The following NPIPB7 variants were observed in gnomAD, a reference collection of about 807,000 sequenced individuals.
NPIPB7 encodes the protein nuclear pore complex interacting protein family member B7.
For synonymous variants in NPIPB7, 9 were observed against 88.1 expected, an observed-to-expected ratio of 0.10 and a Z score of 5.03; for missense variants, 14 against 238.5, an observed-to-expected ratio of 0.06 and a Z score of 6.20.
upstream of NPIPB7, among the ~76,000 whole-genome samples, chr16:28,472,082 A>G (rs2045954778): frequency 6.6e-6 from 1 of 152,248 alleles, no homozygotes; most frequent in Non-Finnish European, 1.5e-5. Context: ...AGCTCACTAC[A>G]AAGCTATAGT....
chr16:28,468,706 C>A (rs1168487439), intron 1 of NPIPB7, among the ~76,000 whole-genome samples: 2 of 136,614 alleles, frequency 1.5e-5, no homozygotes, highest in East Asian at 2.1e-4. Flanking sequence ...ACTTGGGAGG[C>A]TGAGGCAGAA....
At position 28,462,123 on chromosome 16, in the gene NPIPB7, TAA is replaced by T. The variant is rs143188114; in HGVS notation, c.545+549_545+550del. Among the ~76,000 whole-genome samples, 1,238 of 139,850 alleles carry T rather than the reference TAA, an allele frequency of 8.9e-3. 2 individuals carry two copies. Among genetic ancestry groups the T allele is most frequent in the African/African-American group, 0.023 (836 of 36,558 alleles). 91.7% of individuals were successfully genotyped at this position (139,850 alleles called of 152,430 possible). On this transcript the variant is annotated intron_variant, in intron 4 of 6. Transcript: ENST00000452313. ...CAGAGCGAGATTCTATCTCAAAATT[TAA>T]AAAAAAAAAAAAGGCTGGGTGTGGT...
At chr16:28,463,629 G>A (rs1311352156) in intron 2 of NPIPB7, among the ~76,000 whole-genome samples, 2 of 141,828 alleles carry the variant, frequency 1.4e-5, no homozygotes, top group African/African-American at 2.6e-5. Context: ...GGGAGGCTGA[G>A]GCAGGAGAAT....
chr16:28,463,662 G>C (rs955229062), intron 2 of NPIPB7, among the ~76,000 whole-genome samples: 2 of 107,132 alleles, frequency 1.9e-5, no homozygotes, highest in Non-Finnish European at 4.0e-5. Context: ...GCAAGAAAAG[G>C]TTGTGGTGAG....
At chr16:28,467,638 C>T (rs1170393205) in intron 1 of NPIPB7, among the ~76,000 whole-genome samples, 30 of 146,422 alleles carry the variant, frequency 2.0e-4, no homozygotes, top group African/African-American at 4.7e-4. Flanking sequence ...AGTGCAGTGG[C>T]GTGCTCTCGG....
chr16:28,462,177 T>C (rs2045875525), intron 4 of NPIPB7, among the ~76,000 whole-genome samples: 1 of 150,156 alleles, frequency 6.7e-6, no homozygotes, highest in African/African-American at 2.5e-5. Context: ...CCCAGCACTT[T>C]GGGAGGCTGA....
chr16:28,471,757 G>A (rs1250219384), upstream of NPIPB7, among the ~76,000 whole-genome samples: 2 of 142,560 alleles, frequency 1.4e-5, no homozygotes, highest in East Asian at 2.0e-4. Context: ...ATCCGAAACC[G>A]AGTGATGATG....
chr16:28,464,521 T>C (rs1299218489), intron 2 of NPIPB7, among the ~76,000 whole-genome samples: 1 of 150,530 alleles, frequency 6.6e-6, no homozygotes, highest in African/African-American at 2.4e-5. Flanking sequence ...TGAGATGGAG[T>C]GTCACTCTCA....
chr16:28,471,922 T>C (rs144538412), upstream of NPIPB7, among the ~76,000 whole-genome samples: 408 of 152,260 alleles, frequency 2.7e-3, 2 homozygotes, highest in African/African-American at 9.4e-3. Flanking sequence ...CCCAGATACT[T>C]GGTAGGCTGA....
upstream of NPIPB7, among the ~76,000 whole-genome samples, chr16:28,471,880 G>A (rs570678299): frequency 6.6e-6 from 1 of 152,222 alleles, no homozygotes; most frequent in South Asian, 2.1e-4. Context: ...GGATGTCCAA[G>A]GAATCTGTGC....
intron 1 of NPIPB7, among the ~76,000 whole-genome samples, chr16:28,468,737 G>T (rs543656579): frequency 1.6e-5 from 2 of 125,064 alleles, no homozygotes; most frequent in South Asian, 5.1e-4. Context: ...AACCCAGGAG[G>T]CAGAGGTTGC....
At chr16:28,464,417 CTCA>C (rs2045892203) in intron 2 of NPIPB7, among the ~76,000 whole-genome samples, 1 of 152,190 alleles carries the variant, frequency 6.6e-6, no homozygotes, top group Non-Finnish European at 1.5e-5. Flanking sequence ...AATATTTGTT[CTCA>C]TCATAGCGAA....
chr16:28,461,738 C>G (rs2045870761), intron 4 of NPIPB7, among the ~76,000 whole-genome samples: 1 of 149,046 alleles, frequency 6.7e-6, no homozygotes, highest in Non-Finnish European at 1.5e-5. Context: ...TCATGATGTC[C>G]AGAGTTCTAG....
At chr16:28,472,023 C>G (rs971201504), upstream of NPIPB7, among the ~76,000 whole-genome samples, 1 of 151,988 alleles carries the variant, frequency 6.6e-6, no homozygotes, top group African/African-American at 2.4e-5. Flanking sequence ...GAGCGAGACT[C>G]CGTCTCCAAA....
intron 4 of NPIPB7, among the ~76,000 whole-genome samples, chr16:28,461,259 G>A (rs896044475): frequency 2.4e-5 from 3 of 125,836 alleles, no homozygotes; most frequent in Admixed American, 8.7e-5. Flanking sequence ...AATAGAGGTA[G>A]ACAGGAAATA....
intron 4 of NPIPB7, among the ~76,000 whole-genome samples, chr16:28,461,310 A>T (rs2045866827): frequency 7.4e-6 from 1 of 135,278 alleles, no homozygotes; most frequent in Non-Finnish European, 1.6e-5. Context: ...CGACGACCTC[A>T]ATTGCAGCCT....
chr16:28,462,129 A>C (rs1335273438), intron 4 of NPIPB7, among the ~76,000 whole-genome samples: 1 of 150,402 alleles, frequency 6.6e-6, no homozygotes, highest in African/African-American at 2.5e-5. Flanking sequence ...AATTTAAAAA[A>C]AAAAAAAAGG....
chr16:28,468,806 CAAA>C (rs1032086551), intron 1 of NPIPB7, among the ~76,000 whole-genome samples: 1 of 24,410 alleles, frequency 4.1e-5, no homozygotes, highest in Admixed American at 5.9e-4. Context: ...GACTCTGTCT[CAAA>C]AAAAAAAAAA....
chr16:28,467,846 GGGATTACA>G (rs2045914764), intron 1 of NPIPB7, among the ~76,000 whole-genome samples: 1 of 122,624 alleles, frequency 8.2e-6, no homozygotes, highest in Non-Finnish European at 1.8e-5. Context: ...CCAAAGTGCT[GGGATTACA>G]GGCATGAGCC....
Sources: gnomAD v4.1 joint callset for allele counts (sites outside exome capture counted in the v4.1 genomes callset) on GRCh38, gnomAD v4.1.1 for gene constraint, MANE v1.5 for transcripts, NCBI Gene and HGNC (gene_info 2026-07-23, HGNC 2026-07-21) for gene names.